Variants in ZNF454 observed in about 807,000 individuals in gnomAD.
ZNF454 encodes the protein zinc finger protein 454.
Under a neutral mutation model 48.2 loss-of-function variants are expected in ZNF454, and 30 were observed. That is an observed-to-expected ratio of 0.62 (90% CI 0.47 to 0.84). ZNF454 has a LOEUF of 0.84. Ranked by LOEUF, ZNF454 falls within the 40% of genes least tolerant of loss-of-function variation. The probability of loss-of-function intolerance (pLI) is 0.00; values close to 1 mark genes in which losing one functional copy is unlikely to be tolerated. For synonymous variants in ZNF454, 204 were observed against 211.4 expected, an observed-to-expected ratio of 0.97 and a Z score of 0.30; for missense variants, 510 against 623.1, an observed-to-expected ratio of 0.82 and a Z score of 1.93.
chr5:178,974,411 G>A, the ZNF454 span, among the ~76,000 whole-genome samples: 1 of 152,054 alleles, frequency 6.6e-6, no homozygotes, highest in Non-Finnish European at 1.5e-5. Context: ...CTCCGCCTCT[G>A]GGGTTCAAGC....
At chr5:178,968,678 G>A, downstream of ZNF454, 1 of 436,894 alleles carries the variant, frequency 2.3e-6, no homozygotes, top group Non-Finnish European at 4.6e-6. Flanking sequence ...ACAGATGTCT[G>A]TCTTCACCCC....
chr5:178,989,777 C>A, the ZNF454 span: 7 of 355,884 alleles, frequency 2.0e-5, no homozygotes, highest in Non-Finnish European at 3.8e-5. Context: ...ATGGGTGGAG[C>A]CTCAGCAGCC....
At chr5:178,943,821 C>T (rs1368278487) in intron 2 of ZNF454, among the ~76,000 whole-genome samples, 4 of 152,180 alleles carry the variant, frequency 2.6e-5, no homozygotes, top group East Asian at 1.9e-4. Flanking sequence ...GTCAGGAGAT[C>T]GAGACCATCC....
the ZNF454 span, chr5:178,986,593 G>A: frequency 1.0e-5 from 16 of 1,605,480 alleles, no homozygotes; most frequent in Non-Finnish European, 1.4e-5. Flanking sequence ...GGCCTCGCAT[G>A]TGAACTCGTC....
chr5:178,986,841 C>T, the ZNF454 span: 1 of 1,613,878 alleles, frequency 6.2e-7, no homozygotes, highest in Non-Finnish European at 8.5e-7. Flanking sequence ...CACTCACATC[C>T]AGTCTGAGGG....
At chr5:178,951,150 A>G (rs893052241) in intron 4 of ZNF454, among the ~76,000 whole-genome samples, 25 of 152,058 alleles carry the variant, frequency 1.6e-4, no homozygotes, top group Admixed American at 3.9e-4. Context: ...GAGCCACTGC[A>G]CCCGGCCTTA....
rs1258675438 is a variant in ZNF454, at chr5:178,941,609, A to ACACG, written c.-108+167_-108+170dup. On this transcript the variant is annotated intron_variant, in intron 1 of 4. Transcript: ENST00000519564. The surrounding 1 kb of genome is among the most constrained non-coding windows in gnomAD (Gnocchi z 5.5). Reference sequence around the variant, plus strand: ...CAGGGTTTCCTCTCAGGTGATAGATACACGCCTGGCGTGGTTCCGAGTCCT... The same window carrying ACACG: ...CAGGGTTTCCTCTCAGGTGATAGATACACGCACGCCTGGCGTGGTTCCGAGTCCT... Among the ~76,000 whole-genome samples the ACACG allele has an allele frequency of 5.3e-5, 8 of 151,626 alleles. No individual in the cohort carries two copies. Among genetic ancestry groups the ACACG allele is most frequent in the Non-Finnish European group, 1.0e-4 (7 of 67,946 alleles).
chr5:178,989,073 C>T, the ZNF454 span: 2 of 1,614,096 alleles, frequency 1.2e-6, no homozygotes, highest in South Asian at 2.2e-5. Context: ...TACACCGCAT[C>T]AATCACAAAC....
At chr5:178,972,255 T>A in the ZNF454 span, among the ~76,000 whole-genome samples, 1 of 152,120 alleles carries the variant, frequency 6.6e-6, no homozygotes, top group Non-Finnish European at 1.5e-5. Context: ...TACAGAAAAA[T>A]TTTAAATATA....
At chr5:178,978,099 C>A in the ZNF454 span, among the ~76,000 whole-genome samples, 12 of 152,346 alleles carry the variant, frequency 7.9e-5, no homozygotes, top group Admixed American at 3.9e-4. Context: ...GCTGTCCATA[C>A]TACAGCAGTT....
chr5:178,943,200 T>C (rs1250510552), intron 2 of ZNF454, among the ~76,000 whole-genome samples: 1 of 152,182 alleles, frequency 6.6e-6, no homozygotes, highest in Non-Finnish European at 1.5e-5. Context: ...AGAAGTTTAA[T>C]TGGCCCACGG....
chr5:178,973,231 C>G, the ZNF454 span, among the ~76,000 whole-genome samples: 537 of 151,948 alleles, frequency 3.5e-3, no homozygotes, highest in African/African-American at 0.013. Flanking sequence ...CACACAGGCC[C>G]ATTAGTTCAT....
chr5:178,976,272 C>A, the ZNF454 span: 3 of 287,216 alleles, frequency 1.0e-5, no homozygotes, highest in Non-Finnish European at 2.1e-5. Context: ...CAGCACATCA[C>A]CCTTTAACAT....
intron 4 of ZNF454, among the ~76,000 whole-genome samples, chr5:178,963,981 C>T (rs966455992): frequency 3.0e-4 from 45 of 151,724 alleles, no homozygotes; most frequent in Non-Finnish European, 4.6e-4. Flanking sequence ...TCATTTGAAT[C>T]GACAGGGTAC....
rs539150730 is a variant in ZNF454, at chr5:178,950,113, T to C, written c.250+3127T>C. ...GTCTCAAACTCCTGGGCTCAAGTGA[T>C]CCGCCAGCCTCAGCCTCCCAAAGTT... On this transcript the variant is annotated intron_variant, in intron 4 of 4. Transcript: ENST00000519564. Among the ~76,000 whole-genome samples the C allele has an allele frequency of 8.5e-5, 13 of 152,310 alleles. No individual in the cohort carries two copies. In the South Asian group the frequency reaches 1.9e-3, roughly 22 times the overall value.
intron 4 of ZNF454, among the ~76,000 whole-genome samples, chr5:178,949,677 C>T (rs189844777): frequency 7.9e-5 from 12 of 151,794 alleles, no homozygotes; most frequent in Admixed American, 1.3e-4. Flanking sequence ...AGTGCAGTGG[C>T]GCAATCTTGG....
At chr5:178,957,550 C>T (rs936346302) in intron 4 of ZNF454, among the ~76,000 whole-genome samples, 6 of 152,172 alleles carry the variant, frequency 3.9e-5, no homozygotes, top group South Asian at 2.1e-4. Flanking sequence ...GCTGGGACTA[C>T]AGTCGCCTGC....
the ZNF454 span, chr5:178,981,410 G>T: frequency 1.9e-6 from 1 of 537,804 alleles, no homozygotes; most frequent in South Asian, 2.3e-5. This position sits in a 1 kb window ranked among gnomAD's most constrained non-coding sequence, Gnocchi z 5.1. Context: ...GAACCTTCTC[G>T]GTGGCTGTTT....
At chr5:178,949,987 T>C (rs1297381228) in intron 4 of ZNF454, among the ~76,000 whole-genome samples, 1 of 152,094 alleles carries the variant, frequency 6.6e-6, no homozygotes, top group Non-Finnish European at 1.5e-5. Context: ...TTTCAAGGAA[T>C]TGGATCTAGT....
Sources: gnomAD v4.1 joint callset for allele counts (sites outside exome capture counted in the v4.1 genomes callset) on GRCh38, gnomAD v4.1.1 for gene constraint, Gnocchi (gnomAD v3.1) non-coding constraint, MANE v1.5 for transcripts, NCBI Gene and HGNC (gene_info 2026-07-23, HGNC 2026-07-21) for gene names.